Variants in REPS2 observed in about 807,000 individuals in gnomAD.
REPS2 encodes the protein RALBP1 associated Eps domain containing 2, also known as ralBP1-associated Eps domain-containing protein 2.
A neutral mutation model predicts 53.6 loss-of-function variants in REPS2; 23 were observed. The observed-to-expected ratio is 0.43, with a 90% CI of 0.31 to 0.61. The LOEUF (loss-of-function observed/expected upper bound fraction) is 0.61, where lower values mean the gene tolerates loss of function less well. Among genes scored for constraint, REPS2 ranks in the 20% least tolerant of loss-of-function variants. The probability of loss-of-function intolerance (pLI) is 0.11; values close to 1 mark genes in which losing one functional copy is unlikely to be tolerated. For missense variants in REPS2, 446 were observed against 534.9 expected (o/e 0.83, Z 1.64); for synonymous variants, 238 against 218.6 (o/e 1.09, Z -0.78).
At chrX:16,999,749 A>T (rs1329438824) in intron 1 of REPS2, among the ~76,000 whole-genome samples, 3 of 111,848 alleles carry the variant, frequency 2.7e-5, no homozygotes, top group African/African-American at 6.5e-5. Flanking sequence ...TTTTCTTTTT[A>T]AAAAAGCAAA....
intron 14 of REPS2, among the ~76,000 whole-genome samples, chrX:17,108,392 T>C (rs761971448): frequency 9.1e-6 from 1 of 110,256 alleles, no homozygotes; most frequent in East Asian, 2.9e-4. Context: ...CAGGCTGGTC[T>C]CGAACTCCTG....
intron 13 of REPS2, among the ~76,000 whole-genome samples, chrX:17,082,948 C>G (rs779455608): frequency 2.7e-5 from 3 of 111,343 alleles, no homozygotes; most frequent in Non-Finnish European, 5.7e-5. Context: ...TCTGAAAGTA[C>G]CAGAGATGTC....
chrX:17,129,873 T>C lies in REPS2; in HGVS notation c.1579-3951T>C, dbSNP rs184373186. Among the ~76,000 whole-genome samples the C allele has an allele frequency of 1.1e-3, 120 of 111,865 alleles. 1 individual carries two copies. The highest frequency in any genetic ancestry group is 3.8e-3 in the African/African-American group (118 of 30,816). The stretch of plus-strand genomic sequence containing the variant: ...AAACACTTCTCTGTCCACCTGATGA[T>C]GGAGGAGAACCAACTAACTGAAAGG... On this transcript the variant is annotated intron_variant, in intron 14 of 17. Coordinates refer to ENST00000357277, the MANE Select transcript of REPS2 (RefSeq NM_004726.3).
the REPS2 span, among the ~76,000 whole-genome samples, chrX:17,195,249 C>G: frequency 4.4e-5 from 5 of 112,482 alleles, no homozygotes; most frequent in Non-Finnish European, 9.4e-5. Flanking sequence ...CTGTTGTTGA[C>G]TTAATTCATT....
intron 6 of REPS2, among the ~76,000 whole-genome samples, chrX:17,051,328 C>T (rs2062000241): frequency 1.8e-5 from 2 of 111,839 alleles, no homozygotes; most frequent in African/African-American, 6.5e-5. Context: ...CATAGGAGTG[C>T]ACATATTTCT....
intron 6 of REPS2, among the ~76,000 whole-genome samples, chrX:17,049,579 G>A (rs1480054333): frequency 1.8e-5 from 2 of 111,886 alleles, no homozygotes; most frequent in African/African-American, 6.5e-5. Flanking sequence ...TTTTTGTACA[G>A]CTGTGCAATT....
chrX:17,127,751 C>T (rs2063234901), intron 14 of REPS2, among the ~76,000 whole-genome samples: 1 of 111,968 alleles, frequency 8.9e-6, no homozygotes, highest in Non-Finnish European at 1.9e-5. Flanking sequence ...CTTAAAACAA[C>T]TGACATTTAC....
At chrX:17,014,746 T>C (rs1167704417) in intron 2 of REPS2, among the ~76,000 whole-genome samples, 1 of 112,356 alleles carries the variant, frequency 8.9e-6, no homozygotes, top group Non-Finnish European at 1.9e-5. Context: ...TTTGTTACGG[T>C]CTTAGCTCTG....
Position 17,152,157 on chromosome X carries a change from G to A in REPS2, c.*4676G>A, listed in dbSNP as rs764346852. ...CCAGACTTTAAAAGCAACGCAAGCA[G>A]ATTCGAAGAGCTGTTGCCCTCTTCT... On this transcript the variant is annotated 3_prime_UTR_variant, in exon 18 of 18. Coordinates refer to ENST00000357277, the MANE Select transcript of REPS2 (RefSeq NM_004726.3). 2.7e-5 allele frequency: 3 copies of A among 112,100 alleles called. No individual in the cohort carries two copies. In the South Asian group the frequency reaches 1.1e-3, roughly 42 times the overall value. 9.2% of individuals were successfully genotyped at this position (112,100 alleles called of 1,213,427 possible).
In REPS2 at chrX:17,030,156, A is replaced by T. The variant is rs996280752; in HGVS notation, c.771+533A>T. Among the ~76,000 whole-genome samples the T allele has an allele frequency of 3.6e-5, 4 of 112,374 alleles. No individual in the cohort carries two copies. In the South Asian group the frequency reaches 1.5e-3, roughly 41 times the overall value. ...ATAAATACAAAAGAAATATTATGGC[A>T]AAAGCTTCTGGCTATACCACAGCTT... On this transcript the variant is annotated intron_variant, in intron 5 of 17. Transcript: ENST00000357277.
intron 1 of REPS2, among the ~76,000 whole-genome samples, chrX:16,976,984 G>C (rs919102247): frequency 4.5e-5 from 5 of 111,667 alleles, no homozygotes; most frequent in Non-Finnish European, 7.5e-5. Flanking sequence ...GGACAAGCCT[G>C]AGTCTCCTGC....
the REPS2 span, among the ~76,000 whole-genome samples, chrX:17,186,952 A>AT: frequency 9.0e-6 from 1 of 111,041 alleles, no homozygotes; most frequent in Non-Finnish European, 1.9e-5. Context: ...AGGGTGAGGG[A>AT]TAAAAAAAAA....
Position 17,048,148 on chromosome X carries a change from T to C in REPS2, c.907+666T>C, listed in dbSNP as rs1315690967. On this transcript the variant is annotated intron_variant, in intron 6 of 17. Coordinates refer to ENST00000357277, the MANE Select transcript of REPS2 (RefSeq NM_004726.3). ...AGAAGAAAAATTCATAAAGCTTTCT[T>C]TTTAGACTTTAAAATTTGAAGAATA... Among the ~76,000 whole-genome samples, 3 of 112,707 alleles carry C rather than the reference T, an allele frequency of 2.7e-5. No individual in the cohort carries two copies. The East Asian group carries it at 8.3e-4, about 31-fold the overall frequency.
intron 8 of REPS2, among the ~76,000 whole-genome samples, chrX:17,057,005 G>C (rs1193700878): frequency 9.0e-6 from 1 of 111,714 alleles, no homozygotes; most frequent in African/African-American, 3.3e-5. Context: ...AGGCAAATGG[G>C]CACTGGTCTG....
intron 11 of REPS2, among the ~76,000 whole-genome samples, chrX:17,071,102 A>G (rs2062297474): frequency 8.9e-6 from 1 of 112,363 alleles, no homozygotes; most frequent in African/African-American, 3.2e-5. Flanking sequence ...TAGATCAACC[A>G]TGACTCCAAA....
chrX:17,071,666 ACACAAGCG>A (rs1201452624), intron 11 of REPS2, among the ~76,000 whole-genome samples: 6 of 111,400 alleles, frequency 5.4e-5, no homozygotes, highest in Non-Finnish European at 7.5e-5. Flanking sequence ...CCAGTGGGAG[ACACAAGCG>A]TTTCAAGGTG....
chrX:17,020,365 A>G (rs769492514), intron 2 of REPS2, among the ~76,000 whole-genome samples: 2 of 111,824 alleles, frequency 1.8e-5, no homozygotes, highest in East Asian at 5.6e-4. Context: ...AAATTATTTT[A>G]TGTGATCTTG....
chrX:17,081,514 A>G (rs191048726), intron 13 of REPS2, among the ~76,000 whole-genome samples: 176 of 112,729 alleles, frequency 1.6e-3, no homozygotes, highest in African/African-American at 5.6e-3. Flanking sequence ...GAAAAAGAAC[A>G]AAGGGCTGAT....
intron 13 of REPS2, among the ~76,000 whole-genome samples, chrX:17,082,905 T>G (rs980020724): frequency 9.0e-6 from 1 of 110,528 alleles, no homozygotes; most frequent in Non-Finnish European, 1.9e-5. Flanking sequence ...TTATAAAAAA[T>G]TTGCTTTTCA....
Sources: gnomAD v4.1 joint callset for allele counts (sites outside exome capture counted in the v4.1 genomes callset) on GRCh38, gnomAD v4.1.1 for gene constraint, MANE v1.5 for transcripts, NCBI Gene and HGNC (gene_info 2026-07-23, HGNC 2026-07-21) for gene names.